The following XRN1 variants were observed in gnomAD, a reference collection of about 807,000 sequenced individuals.
XRN1 encodes 5'-3' exoribonuclease 1.
In XRN1, 67 loss-of-function variants were observed where a neutral mutation model predicts 222.3. That is an observed-to-expected ratio of 0.30 (90% confidence interval 0.25 to 0.37). XRN1 has a LOEUF of 0.37. XRN1 is among the 10% of genes least tolerant of loss of function. XRN1 has a pLI of 1.00. For missense variants in XRN1, 1,707 were observed against 2,000.2 expected (o/e 0.85, Z 2.80); for synonymous variants, 643 against 652.4 (o/e 0.99, Z 0.22).
chr3:142,387,759 T>C (rs2067561629), intron 20 of XRN1, among the ~76,000 whole-genome samples: 1 of 152,164 alleles, frequency 6.6e-6, no homozygotes, highest in Non-Finnish European at 1.5e-5. Context: ...GTCTGGGTCA[T>C]GGGGTGGATC....
Position 142,439,266 on chromosome 3 carries a change from T to C in XRN1, c.76-6373A>G, listed in dbSNP as rs192249268. On this transcript the variant is annotated intron_variant, in intron 1 of 40. Transcript: ENST00000392981. ...GCCGCCATAACTGCAGCCCGAGAGT[T>C]TGGCAATCTCTGGTATCTCAGTTAG... Among the ~76,000 whole-genome samples the C allele has an allele frequency of 1.3e-3, 204 of 152,284 alleles. 1 individual carries two copies. Among genetic ancestry groups the C allele is most frequent in the Non-Finnish European group, 1.7e-3 (114 of 68,010 alleles).
rs188114810 is a variant in XRN1 at position 142,443,446 on chromosome 3, T to A, written c.75+4424A>T. The stretch of plus-strand genomic sequence containing the variant: ...TGCAACTTAGCTCACACCTGATCAA[T>A]CAGAGAGCTCACTAAAATGCTAATT... On this transcript the variant is annotated intron_variant, in intron 1 of 40. Transcript: ENST00000392981. Among the ~76,000 whole-genome samples, 891 of 149,108 alleles carry A rather than the reference T, an allele frequency of 6.0e-3. 10 individuals carry two copies. The highest frequency in any genetic ancestry group is 0.021 in the African/African-American group (848 of 40,890).
intron 25 of XRN1, 104 bp from the exon 26 acceptor site, chr3:142,371,432 T>A (rs904175713): frequency 1.3e-5 from 10 of 786,230 alleles, no homozygotes; most frequent in Non-Finnish European, 1.8e-5. Context: ...TAAAGCTTAT[T>A]GAGGACTACT....
intron 20 of XRN1, among the ~76,000 whole-genome samples, chr3:142,389,223 AAAAC>A (rs1175784951): frequency 6.6e-6 from 1 of 152,130 alleles, no homozygotes; most frequent in Non-Finnish European, 1.5e-5. Context: ...AAAACAAAAC[AAAAC>A]AAAGAAGCAA....
At chr3:142,316,885 T>G (rs556049874) in intron 39 of XRN1, among the ~76,000 whole-genome samples, 11 of 151,932 alleles carry the variant, frequency 7.2e-5, no homozygotes, top group Admixed American at 6.6e-4. Flanking sequence ...CTGGGCAACA[T>G]AGTGAGACCT....
chr3:142,374,384 T>C (rs967511974), intron 25 of XRN1, among the ~76,000 whole-genome samples: 3 of 152,110 alleles, frequency 2.0e-5, no homozygotes, highest in African/African-American at 7.2e-5. Context: ...CTGACCATAG[T>C]GTAAACAGCT....
Position 142,309,598 on chromosome 3 carries a change from G to A in XRN1, c.*1913C>T, listed in dbSNP as rs959080488. 7.9e-5 allele frequency: 12 copies of A among 152,242 alleles called. No homozygotes were observed. The highest frequency in any genetic ancestry group is 2.9e-4 in the African/African-American group (12 of 41,460). The allele number at this position is 152,242 out of a possible 1,614,324, so 9.4% of individuals were successfully genotyped here. A position where few individuals can be genotyped will look rare whatever the true frequency, so the allele number is the denominator to read the frequency against. ...AAATATTGGTCAAGTATCCTTATGG[G>A]TTTAGTGCACTATGTCTACTGAAAT... On this transcript the variant is annotated 3_prime_UTR_variant, in exon 41 of 41. Coordinates refer to ENST00000392981, the MANE Select transcript of XRN1 (RefSeq NM_001282857.2).
At chr3:142,442,851 A>G (rs937229292) in intron 1 of XRN1, among the ~76,000 whole-genome samples, 1 of 151,734 alleles carries the variant, frequency 6.6e-6, no homozygotes, top group Non-Finnish European at 1.5e-5. Context: ...CTCCTGCCTC[A>G]GCCTCCTGAG....
chr3:142,408,869 TTTAAG>T (rs1429700595), intron 15 of XRN1, among the ~76,000 whole-genome samples: 4 of 152,224 alleles, frequency 2.6e-5, no homozygotes, highest in East Asian at 3.8e-4. Flanking sequence ...GGTATTGCCT[TTTAAG>T]TTTTTTCCAT....
intron 18 of XRN1, among the ~76,000 whole-genome samples, chr3:142,401,249 A>G (rs1309756297): frequency 6.6e-6 from 1 of 152,222 alleles, no homozygotes; most frequent in Non-Finnish European, 1.5e-5. Context: ...AATCTTTGGC[A>G]TATCATTTAA....
chr3:142,403,022 T>C (rs1022925026), intron 18 of XRN1, among the ~76,000 whole-genome samples: 1 of 152,198 alleles, frequency 6.6e-6, no homozygotes, highest in African/African-American at 2.4e-5. Flanking sequence ...TTTAGTTTAT[T>C]ATACTGCCAC....
chr3:142,417,057 A>T, intron 13 of XRN1, 83 bp downstream of exon 13: 1 of 1,033,540 alleles, frequency 9.7e-7, no homozygotes, highest in Non-Finnish European at 1.4e-6. Context: ...GTAGAAATAA[A>T]AGGAAGTGCT....
At chr3:142,433,408 T>C (rs937884730) in intron 1 of XRN1, among the ~76,000 whole-genome samples, 7 of 152,202 alleles carry the variant, frequency 4.6e-5, no homozygotes, top group Non-Finnish European at 1.0e-4. Flanking sequence ...TGTTAGATTA[T>C]GCCAAGAAAT....
intron 33 of XRN1, among the ~76,000 whole-genome samples, chr3:142,342,002 C>T (rs1157490507): frequency 4.6e-5 from 7 of 152,122 alleles, no homozygotes; most frequent in African/African-American, 1.4e-4. Flanking sequence ...CGTCAAGATT[C>T]CACTTTCAGC....
intron 37 of XRN1, among the ~76,000 whole-genome samples, chr3:142,322,514 T>A (rs2065383901): frequency 6.6e-6 from 1 of 151,390 alleles, no homozygotes; most frequent in Non-Finnish European, 1.5e-5. Context: ...TGGTGAACCC[T>A]GTCTCTACTA....
At chr3:142,376,924 T>C (rs2067160921) in intron 23 of XRN1, among the ~76,000 whole-genome samples, 1 of 152,116 alleles carries the variant, frequency 6.6e-6, no homozygotes, top group Admixed American at 6.6e-5. Flanking sequence ...TTTTTGTTTG[T>C]TTTTGTTTTC....
At chr3:142,401,238 G>C (rs745704115) in intron 18 of XRN1, among the ~76,000 whole-genome samples, 9 of 152,140 alleles carry the variant, frequency 5.9e-5, no homozygotes, top group Non-Finnish European at 1.3e-4. Context: ...TTCAGCTATA[G>C]AATCTTTGGC....
chr3:142,440,265 T>C (rs2070141826), intron 1 of XRN1, among the ~76,000 whole-genome samples: 1 of 152,164 alleles, frequency 6.6e-6, no homozygotes, highest in Non-Finnish European at 1.5e-5. Flanking sequence ...AAGTTGTGAC[T>C]GGGGAACTTT....
In XRN1 at chr3:142,365,163, T is replaced by C; in HGVS notation, c.3278A>G (p.His1093Arg). Residue 1093 changes from histidine to arginine, a missense_variant, in exon 29 of 41, where the codon CAT becomes CGT. Transcript: ENST00000392981. ...TGCATCCCGATCAGGAATGACTCCA[T>C]GTTGCTGTTCTAAAGGCTGAAGAGA... The part of the protein sequence containing the change: ...HLLYRPLEQQ[H>R]GVIPDRDAEF... The C allele has an allele frequency of 5.6e-6, 9 of 1,612,354 alleles. No individual in the cohort carries two copies. Among genetic ancestry groups the C allele is most frequent in the Non-Finnish European group, 7.6e-6 (9 of 1,179,230 alleles).
Sources: allele counts gnomAD v4.1 joint callset (sites outside exome capture counted in the v4.1 genomes callset), GRCh38; gene constraint gnomAD v4.1.1; transcripts MANE v1.5; gene names NCBI Gene and HGNC (gene_info 2026-07-23, HGNC 2026-07-21).